Variants in NCKAP5 observed in about 807,000 individuals in gnomAD.
NCKAP5 encodes nck-associated protein 5.
NCKAP5 carries 92 observed loss-of-function variants against 167.0 expected under a neutral mutation model. The ratio of observed to expected loss-of-function variants is 0.55; its 90% CI spans 0.47 to 0.66. The LOEUF is 0.66. Ranked by LOEUF, NCKAP5 falls within the 30% of genes least tolerant of loss-of-function variation. The pLI is 0.00. For missense variants in NCKAP5, 2,378 were observed against 2,315.0 expected (o/e 1.03, Z -0.56); for synonymous variants, 891 against 877.4 (o/e 1.02, Z -0.27).
intron 6 of NCKAP5, among the ~76,000 whole-genome samples, chr2:133,105,405 C>T (rs1408443409): frequency 1.3e-5 from 2 of 152,162 alleles, no homozygotes; most frequent in African/African-American, 2.4e-5. Context: ...TTGGGAAATT[C>T]TAATTGTTCT....
At chr2:132,921,857 T>C (rs1252084620) in intron 8 of NCKAP5, among the ~76,000 whole-genome samples, 1 of 152,204 alleles carries the variant, frequency 6.6e-6, no homozygotes, top group Non-Finnish European at 1.5e-5. Flanking sequence ...GGTTTGGCCA[T>C]TCGGTGCATT....
chr2:133,470,590 G>A (rs905484045), intron 3 of NCKAP5, among the ~76,000 whole-genome samples: 5 of 152,236 alleles, frequency 3.3e-5, no homozygotes, highest in Admixed American at 6.5e-5. Flanking sequence ...CTGGGCAATG[G>A]CGGGTGCCCC....
chr2:133,469,074 G>T (rs1418483815), intron 3 of NCKAP5, among the ~76,000 whole-genome samples: 1 of 151,570 alleles, frequency 6.6e-6, no homozygotes, highest in African/African-American at 2.4e-5. Flanking sequence ...TGGTGATTTT[G>T]CTCATTAGTT....
intron 3 of NCKAP5, among the ~76,000 whole-genome samples, chr2:133,500,646 A>G (rs1381101483): frequency 6.6e-6 from 1 of 152,258 alleles, no homozygotes; most frequent in African/African-American, 2.4e-5. Context: ...TTAAAGTAGG[A>G]TTACAAATTA....
At chr2:132,757,936 C>T (rs996407674) in intron 16 of NCKAP5, among the ~76,000 whole-genome samples, 1 of 152,190 alleles carries the variant, frequency 6.6e-6, no homozygotes, top group African/African-American at 2.4e-5. Context: ...GACCAACTCC[C>T]CCTGCATTTG....
chr2:133,464,497 G>T (rs563527834), intron 3 of NCKAP5, among the ~76,000 whole-genome samples: 1 of 152,118 alleles, frequency 6.6e-6, no homozygotes, highest in African/African-American at 2.4e-5. Context: ...AGACCATCCC[G>T]GCTAACACGG....
chr2:133,272,159 T>C (rs1028175732), intron 4 of NCKAP5, among the ~76,000 whole-genome samples: 1 of 151,660 alleles, frequency 6.6e-6, no homozygotes. Flanking sequence ...TAGAAGGAGA[T>C]TAATAATTTT....
chr2:133,667,776 T>C, the NCKAP5 span, among the ~76,000 whole-genome samples: 5 of 152,174 alleles, frequency 3.3e-5, no homozygotes, highest in Non-Finnish European at 5.9e-5. Flanking sequence ...TTTAATCATG[T>C]TTATTGAGAT....
chr2:133,223,690 G>A (rs959135311), intron 4 of NCKAP5, among the ~76,000 whole-genome samples: 11 of 152,102 alleles, frequency 7.2e-5, no homozygotes, highest in Admixed American at 1.3e-4. Flanking sequence ...AAATCACTCT[G>A]ATTATATGCT....
the NCKAP5 span, among the ~76,000 whole-genome samples, chr2:133,662,468 G>A: frequency 8.6e-5 from 13 of 151,138 alleles, no homozygotes; most frequent in Non-Finnish European, 1.8e-4. Context: ...GAAATATATG[G>A]CTTATAACAT....
chr2:133,358,318 G>A (rs537584673), intron 3 of NCKAP5, among the ~76,000 whole-genome samples: 4 of 152,178 alleles, frequency 2.6e-5, no homozygotes, highest in Admixed American at 6.5e-5. Context: ...GCTCACACCC[G>A]TAATCTCAGT....
intron 2 of NCKAP5, among the ~76,000 whole-genome samples, chr2:133,527,522 T>G (rs897142970): frequency 1.7e-5 from 2 of 116,630 alleles, no homozygotes; most frequent in Non-Finnish European, 3.5e-5. Flanking sequence ...CGATGTGAAA[T>G]GCTAAAAGCC....
At position 133,186,331 on chromosome 2, in the gene NCKAP5, T is replaced by C. The variant is rs975362017; in HGVS notation, c.207+27385A>G. Among the ~76,000 whole-genome samples the C allele has an allele frequency of 3.9e-5, 6 of 152,258 alleles. No individual in the cohort carries two copies. In the East Asian group the frequency reaches 1.2e-3, roughly 29 times the overall value. On this transcript the variant is annotated intron_variant, in intron 5 of 19. Coordinates refer to ENST00000409261, the MANE Select transcript of NCKAP5 (RefSeq NM_207363.3). Reference sequence around the variant, plus strand: ...TACTTGATCATAGTGAATTAACTTTTTGATGTGCAGCTGAATTTGGTTTGT... The same window carrying C: ...TACTTGATCATAGTGAATTAACTTTCTGATGTGCAGCTGAATTTGGTTTGT...
intron 16 of NCKAP5, among the ~76,000 whole-genome samples, chr2:132,760,732 G>A (rs889605709): frequency 1.3e-5 from 2 of 152,298 alleles, no homozygotes; most frequent in African/African-American, 4.8e-5. Flanking sequence ...AGATTCCAAG[G>A]AGTACTGTTA....
At chr2:133,478,832 AGACACTAAAGCATGCTGGG>A (rs1659914226) in intron 3 of NCKAP5, among the ~76,000 whole-genome samples, 1 of 152,094 alleles carries the variant, frequency 6.6e-6, no homozygotes, top group African/African-American at 2.4e-5. Flanking sequence ...GCACAAGATA[AGACACTAAAGCATGCTGGG>A]GACAGTGACA....
At chr2:132,769,514 G>A (rs192749435) in intron 16 of NCKAP5, among the ~76,000 whole-genome samples, 1 of 137,590 alleles carries the variant, frequency 7.3e-6, no homozygotes, top group Admixed American at 7.1e-5. Context: ...GTATTATCAG[G>A]GTGAAAATAT....
intron 5 of NCKAP5, among the ~76,000 whole-genome samples, chr2:133,176,694 A>G (rs1415621255): frequency 6.6e-6 from 1 of 152,186 alleles, no homozygotes; most frequent in Non-Finnish European, 1.5e-5. Flanking sequence ...CTTTTAAAAC[A>G]ATTTTGTATT....
At chr2:133,364,104 A>G (rs574494679) in intron 3 of NCKAP5, among the ~76,000 whole-genome samples, 1 of 152,284 alleles carries the variant, frequency 6.6e-6, no homozygotes, top group African/African-American at 2.4e-5. Flanking sequence ...AATCATCATT[A>G]TTATTCCATC....
rs568855349 is a variant in NCKAP5, at chr2:133,214,489, C to A, written c.144-710G>T. ...TAATATAAAATGTAGACTTAAAAAT[C>A]AGATTATTTATTTATTTTAGTACTC... On this transcript the variant is annotated intron_variant, in intron 4 of 19. Transcript: ENST00000409261. 3.3e-5 allele frequency among the ~76,000 whole-genome samples: 5 copies of A among 152,190 alleles called. No homozygotes were observed. The South Asian group carries it at 1.0e-3, about 32-fold the overall frequency.
Sources: gnomAD v4.1 joint callset for allele counts (sites outside exome capture counted in the v4.1 genomes callset) on GRCh38, gnomAD v4.1.1 for gene constraint, MANE v1.5 for transcripts, NCBI Gene and HGNC (gene_info 2026-07-23, HGNC 2026-07-21) for gene names.